The following PRKCE variants were observed in gnomAD, a reference collection of about 807,000 sequenced individuals.
The protein encoded by PRKCE is protein kinase C epsilon type.
A neutral mutation model predicts 85.4 loss-of-function variants in PRKCE; 16 were observed. That is an observed-to-expected ratio of 0.19 (90% CI 0.13 to 0.28). The LOEUF (loss-of-function observed/expected upper bound fraction) is 0.28. PRKCE is among the 10% of genes least tolerant of loss of function. The pLI is 1.00. For synonymous variants in PRKCE, 388 were observed against 371.5 expected (o/e 1.04, Z -0.51); for missense variants, 573 against 975.2 (o/e 0.59, Z 5.49).
chr2:45,922,604 C>G (rs929098653), intron 2 of PRKCE, among the ~76,000 whole-genome samples: 1 of 152,200 alleles, frequency 6.6e-6, no homozygotes, highest in Admixed American at 6.5e-5. Flanking sequence ...GTCTCCACCC[C>G]AAGCCCATGT....
intron 14 of PRKCE, among the ~76,000 whole-genome samples, chr2:46,179,059 C>G (rs1213558425): frequency 6.6e-6 from 1 of 152,116 alleles, no homozygotes; most frequent in Non-Finnish European, 1.5e-5. Context: ...GTTGGGGTCA[C>G]TATGCTACTT....
intron 2 of PRKCE, among the ~76,000 whole-genome samples, chr2:45,886,207 T>C (rs1695290444): frequency 6.6e-6 from 1 of 152,230 alleles, no homozygotes; most frequent in Non-Finnish European, 1.5e-5. Context: ...CTTGCAGGAC[T>C]GTCCTCAGCC....
intron 14 of PRKCE, among the ~76,000 whole-genome samples, chr2:46,169,797 G>T (rs1343992162): frequency 1.3e-5 from 2 of 152,160 alleles, no homozygotes; most frequent in Non-Finnish European, 2.9e-5. Context: ...GGGTGTGGGT[G>T]TTCAACCAAA....
intron 10 of PRKCE, among the ~76,000 whole-genome samples, chr2:46,028,321 C>G (rs1707276176): frequency 6.6e-6 from 1 of 152,222 alleles, no homozygotes; most frequent in Non-Finnish European, 1.5e-5. Flanking sequence ...GGTAAACTTT[C>G]TTCACTGCCA....
chr2:45,891,883 C>G (rs907152572), intron 2 of PRKCE, among the ~76,000 whole-genome samples: 1 of 152,220 alleles, frequency 6.6e-6, no homozygotes, highest in East Asian at 1.9e-4. Flanking sequence ...CTCAGAATCT[C>G]TTGTACAGAC....
chr2:45,993,624 T>G (rs1703987997), intron 6 of PRKCE, among the ~76,000 whole-genome samples: 1 of 152,184 alleles, frequency 6.6e-6, no homozygotes, highest in Admixed American at 6.5e-5. Context: ...GTAGACAAGT[T>G]AGTTGCCCTT....
At chr2:45,815,334 T>C (rs938490868) in intron 1 of PRKCE, among the ~76,000 whole-genome samples, 1 of 152,244 alleles carries the variant, frequency 6.6e-6, no homozygotes, top group Non-Finnish European at 1.5e-5. Context: ...GCTGCAAGTG[T>C]AGCAGGCAGT....
Position 45,742,437 on chromosome 2 carries a change from GAA to G in PRKCE, c.348+90001_348+90002del, listed in dbSNP as rs34942363. Among the ~76,000 whole-genome samples the G allele has an allele frequency of 9.8e-3, 1,376 of 140,272 alleles. 23 individuals are homozygous for G. The highest frequency in any genetic ancestry group is 0.034 in the African/African-American group (1,296 of 38,146). 92.0% of individuals were successfully genotyped at this position (140,272 alleles called of 152,430 possible). ...GTGACAGAGAACCTATCTCTAAAAA[GAA>G]AAAAAAAAAAACTAGGCAAAAGTCT... On this transcript the variant is annotated intron_variant, in intron 1 of 14. Coordinates refer to ENST00000306156, the MANE Select transcript of PRKCE (RefSeq NM_005400.3).
At chr2:46,074,919 T>C (rs564194013) in intron 10 of PRKCE, among the ~76,000 whole-genome samples, 3 of 152,244 alleles carry the variant, frequency 2.0e-5, no homozygotes, top group South Asian at 4.1e-4. Flanking sequence ...CACCAGATCG[T>C]GGGGAATCGC....
intron 1 of PRKCE, among the ~76,000 whole-genome samples, chr2:45,657,847 C>T (rs1219142969): frequency 6.6e-6 from 1 of 152,188 alleles, no homozygotes; most frequent in African/African-American, 2.4e-5. Flanking sequence ...CCTTGGCCCA[C>T]CAGAATCACT....
chr2:46,086,048 G>A (rs1039946041), intron 10 of PRKCE, among the ~76,000 whole-genome samples, 160 bp from the exon 11 acceptor site: 11 of 152,172 alleles, frequency 7.2e-5, no homozygotes, highest in African/African-American at 4.8e-5. Flanking sequence ...TGCTTTATTC[G>A]TTTGTCTTCT....
At chr2:46,056,513 T>A (rs1210061945) in intron 10 of PRKCE, among the ~76,000 whole-genome samples, 1 of 152,244 alleles carries the variant, frequency 6.6e-6, no homozygotes, top group Non-Finnish European at 1.5e-5. Context: ...AATCCTTTCA[T>A]CTTTTCTTTC....
chr2:45,663,481 C>G (rs1173350238), intron 1 of PRKCE, among the ~76,000 whole-genome samples: 1 of 152,050 alleles, frequency 6.6e-6, no homozygotes, highest in Admixed American at 6.6e-5. Context: ...AGGAGCCCCT[C>G]TAAACTGGAA....
chr2:45,684,679 G>A (rs928690773), intron 1 of PRKCE, among the ~76,000 whole-genome samples: 3 of 152,204 alleles, frequency 2.0e-5, no homozygotes, highest in Non-Finnish European at 4.4e-5. Context: ...TAGTCAGGGG[G>A]CAAGTTGGGA....
intron 1 of PRKCE, among the ~76,000 whole-genome samples, chr2:45,677,300 T>A (rs58353080): frequency 0.021 from 3,239 of 151,850 alleles, 106 homozygotes; most frequent in African/African-American, 0.073. Context: ...ATTCTGAGGG[T>A]TATGGAGGAG....
intron 11 of PRKCE, among the ~76,000 whole-genome samples, chr2:46,126,579 C>T (rs376933468): frequency 7.3e-4 from 111 of 152,272 alleles, no homozygotes; most frequent in Middle Eastern, 3.4e-3. Flanking sequence ...ATAGGCATAG[C>T]TTTTATTTGA....
At chr2:45,695,005 C>T (rs1678026648) in intron 1 of PRKCE, among the ~76,000 whole-genome samples, 1 of 152,152 alleles carries the variant, frequency 6.6e-6, no homozygotes, top group Admixed American at 6.5e-5. Context: ...AGCCAACTGC[C>T]TCATGTAAGA....
At chr2:45,840,156 C>G (rs1691229222) in intron 1 of PRKCE, among the ~76,000 whole-genome samples, 1 of 152,198 alleles carries the variant, frequency 6.6e-6, no homozygotes, top group East Asian at 1.9e-4. Context: ...ATAAAGTCCA[C>G]AGTCGTGGGA....
intron 10 of PRKCE, among the ~76,000 whole-genome samples, chr2:46,053,873 A>G (rs957390719): frequency 2.0e-5 from 3 of 152,172 alleles, no homozygotes; most frequent in Non-Finnish European, 4.4e-5. Flanking sequence ...TCTTTTTGCT[A>G]TATTCCCAGA....
Sources: gnomAD v4.1 joint callset for allele counts (sites outside exome capture counted in the v4.1 genomes callset) on GRCh38, gnomAD v4.1.1 for gene constraint, MANE v1.5 for transcripts, NCBI Gene and HGNC (gene_info 2026-07-23, HGNC 2026-07-21) for gene names.